Variants in FGF14 observed in about 807,000 individuals in gnomAD.
The protein encoded by FGF14 is fibroblast growth factor homologous factor 4.
Under a neutral mutation model 25.5 loss-of-function variants are expected in FGF14, and 5 were observed. The ratio of observed to expected loss-of-function variants is 0.20; its 90% CI spans 0.10 to 0.41. The LOEUF is 0.41. Ranked by LOEUF, FGF14 falls within the 10% of genes least tolerant of loss-of-function variation. The pLI is 1.00. For missense variants in FGF14, 222 were observed against 320.1 expected (o/e 0.69, Z 2.34); for synonymous variants, 138 against 118.3 (o/e 1.17, Z -1.08).
intron 1 of FGF14, among the ~76,000 whole-genome samples, chr13:102,369,479 G>A (rs1380877104): frequency 6.6e-6 from 1 of 152,188 alleles, no homozygotes; most frequent in African/African-American, 2.4e-5. Context: ...CTTATGCTGT[G>A]CAATCAATGT....
At chr13:101,743,356 CAATTGTGG>C (rs1211826541) in intron 3 of FGF14, among the ~76,000 whole-genome samples, 8 of 152,022 alleles carry the variant, frequency 5.3e-5, no homozygotes, top group Admixed American at 5.2e-4. Context: ...ATCTGTTTAC[CAATTGTGG>C]AATTCTACAA....
intron 3 of FGF14, among the ~76,000 whole-genome samples, chr13:101,803,055 G>C (rs186187513): frequency 1.3e-5 from 2 of 151,520 alleles, no homozygotes; most frequent in African/African-American, 4.8e-5. Context: ...GCCATTCTTT[G>C]CTCTGGACAA....
chr13:101,909,349 A>G (rs1026562644), intron 1 of FGF14, among the ~76,000 whole-genome samples: 3 of 152,216 alleles, frequency 2.0e-5, no homozygotes, highest in African/African-American at 7.2e-5. Context: ...TCATCTGACA[A>G]AGGGCTAATA....
chr13:101,942,064 A>G (rs1167122796), intron 1 of FGF14, among the ~76,000 whole-genome samples: 3 of 152,220 alleles, frequency 2.0e-5, no homozygotes, highest in Non-Finnish European at 4.4e-5. Flanking sequence ...TTAATTGACT[A>G]TTGGGCTAAT....
chr13:102,044,690 A>AT (rs1337461504), intron 1 of FGF14, among the ~76,000 whole-genome samples: 1 of 152,166 alleles, frequency 6.6e-6, no homozygotes, highest in Admixed American at 6.6e-5. Flanking sequence ...TAATTGCTGT[A>AT]AAAGGCACTT....
chr13:102,268,839 T>C (rs1166284123), intron 1 of FGF14, among the ~76,000 whole-genome samples: 1 of 152,170 alleles, frequency 6.6e-6, no homozygotes, highest in Non-Finnish European at 1.5e-5. Flanking sequence ...GACTGACTAA[T>C]CTTTTGATAA....
chr13:102,242,669 T>C (rs1005633833), intron 1 of FGF14, among the ~76,000 whole-genome samples: 9 of 152,126 alleles, frequency 5.9e-5, no homozygotes, highest in African/African-American at 2.2e-4. Context: ...TTAACACAGC[T>C]GCATTGGGGA....
chr13:101,763,507 A>C (rs1303119740), intron 3 of FGF14, among the ~76,000 whole-genome samples: 1 of 152,018 alleles, frequency 6.6e-6, no homozygotes, highest in Non-Finnish European at 1.5e-5. Context: ...CAGGAGTGAA[A>C]TTTGGTCCTG....
chr13:102,033,988 G>A (rs1370318900), intron 1 of FGF14, among the ~76,000 whole-genome samples: 1 of 152,178 alleles, frequency 6.6e-6, no homozygotes, highest in East Asian at 1.9e-4. Flanking sequence ...GCCTAGAAAA[G>A]TGAGGACCGC....
chr13:101,777,951 C>G (rs1317553811), intron 3 of FGF14, among the ~76,000 whole-genome samples: 3 of 152,046 alleles, frequency 2.0e-5, no homozygotes, highest in African/African-American at 7.2e-5. Flanking sequence ...GTGACAAGAG[C>G]AAGACTCCAT....
intron 1 of FGF14, among the ~76,000 whole-genome samples, chr13:102,161,565 TG>T (rs369581654): frequency 1.1e-3 from 103 of 97,968 alleles, no homozygotes; most frequent in African/African-American, 3.2e-3. Context: ...CAACTTTCTG[TG>T]AAGAAAGAAA....
chr13:101,870,975 A>AATAAATACATACATAC (rs1555302665), intron 2 of FGF14, among the ~76,000 whole-genome samples: 8 of 150,382 alleles, frequency 5.3e-5, no homozygotes, highest in Admixed American at 5.3e-4. Context: ...TAAATAAATA[A>AATAAATACATACATAC]ATACATACAT....
intron 1 of FGF14, among the ~76,000 whole-genome samples, chr13:101,904,337 AT>A (rs1442865925): frequency 6.6e-6 from 1 of 152,120 alleles, no homozygotes; most frequent in Non-Finnish European, 1.5e-5. Context: ...TGCAGGTGAA[AT>A]TTGGGGTATT....
Position 101,717,307 on chromosome 13 carries a change from A to T in FGF14, c.*5524T>A, listed in dbSNP as rs947009115. On this transcript the variant is annotated 3_prime_UTR_variant, in exon 5 of 5. Transcript: ENST00000376143. ...TCTCATAATGTAATAGATTTATAAA[A>T]ATTGTTATCTCTATCCTGAGATTAA... 2.0e-5 allele frequency: 3 copies of T among 152,144 alleles called. No individual in the cohort carries two copies. The highest frequency in any genetic ancestry group is 4.4e-5 in the Non-Finnish European group (3 of 68,022). 9.4% of individuals were successfully genotyped at this position (152,144 alleles called of 1,614,324 possible). A position where few individuals can be genotyped will look rare whatever the true frequency, so the allele number is the denominator to read the frequency against.
chr13:102,067,122 C>G, intron 1 of FGF14, among the ~76,000 whole-genome samples: 1 of 152,118 alleles, frequency 6.6e-6, no homozygotes, highest in East Asian at 1.9e-4. Flanking sequence ...TCCTCATGAA[C>G]AGTAGTTCGC....
intron 1 of FGF14, among the ~76,000 whole-genome samples, chr13:102,161,866 A>T (rs1198792154): frequency 6.6e-6 from 1 of 151,734 alleles, no homozygotes; most frequent in Middle Eastern, 3.4e-3. Flanking sequence ...AGTGAATGAC[A>T]TTGCTCACTA....
intron 3 of FGF14, among the ~76,000 whole-genome samples, chr13:101,763,228 T>A (rs1029684476): frequency 3.9e-5 from 6 of 152,102 alleles, no homozygotes; most frequent in African/African-American, 1.4e-4. Flanking sequence ...TGTGACAAAG[T>A]CAAAGATCAC....
intron 1 of FGF14, among the ~76,000 whole-genome samples, chr13:102,080,110 G>A (rs2043549334): frequency 6.6e-6 from 1 of 152,138 alleles, no homozygotes; most frequent in African/African-American, 2.4e-5. Flanking sequence ...GAAGCCACTG[G>A]AGTGTCTGTG....
At chr13:102,402,062 G>A (rs1385257339), upstream of FGF14, 14 of 146,934 alleles carry the variant, frequency 9.5e-5, no homozygotes, top group South Asian at 7.8e-4. Flanking sequence ...AAAAAAAAAA[G>A]AGGAAAGAAA....
Sources: allele counts gnomAD v4.1 joint callset (sites outside exome capture counted in the v4.1 genomes callset), GRCh38; gene constraint gnomAD v4.1.1; transcripts MANE v1.5; gene names NCBI Gene and HGNC (gene_info 2026-07-23, HGNC 2026-07-21).